The following VPS36 variants were observed in gnomAD, a reference collection of about 807,000 sequenced individuals.
The protein encoded by VPS36 is vacuolar protein-sorting-associated protein 36.
Under a neutral mutation model 63.5 loss-of-function variants are expected in VPS36, and 31 were observed. The observed-to-expected ratio is 0.49, with a 90% confidence interval of 0.37 to 0.66. The LOEUF (loss-of-function observed/expected upper bound fraction) is 0.66. Among genes scored for constraint, VPS36 ranks in the 30% least tolerant of loss-of-function variants. The pLI, the probability that VPS36 is intolerant of heterozygous loss-of-function variation, is 0.00. For synonymous variants in VPS36, 138 were observed against 157.2 expected, an observed-to-expected ratio of 0.88 and a Z score of 0.91; for missense variants, 338 against 463.7, an observed-to-expected ratio of 0.73 and a Z score of 2.49.
At position 52,450,616 on chromosome 13, in the gene VPS36, G is replaced by A; in HGVS notation, c.-22C>T. Reference sequence around the variant, plus strand: ...CCATGGCCGCTGCCACCCAGCCCCGGCCCTCCGAGGCCGCGAGCAGCGCGC... The same window carrying A: ...CCATGGCCGCTGCCACCCAGCCCCGACCCTCCGAGGCCGCGAGCAGCGCGC... On this transcript the variant is annotated 5_prime_UTR_variant, in exon 1 of 14. Transcript: ENST00000378060. 6.5e-7 allele frequency: 1 copy of A among 1,549,516 alleles called. No homozygotes were observed. The highest frequency in any genetic ancestry group is 1.2e-5 in the South Asian group (1 of 84,878).
chr13:52,444,475 T>C (rs573744500), intron 1 of VPS36, among the ~76,000 whole-genome samples: 257 of 147,812 alleles, frequency 1.7e-3, no homozygotes, highest in African/African-American at 5.9e-3. Flanking sequence ...TACATATATA[T>C]ACATTTTTAT....
At chr13:52,448,160 G>A (rs1958363631) in intron 1 of VPS36, among the ~76,000 whole-genome samples, 1 of 152,222 alleles carries the variant, frequency 6.6e-6, no homozygotes, top group Admixed American at 6.5e-5. Flanking sequence ...AGACAGCCAT[G>A]CACATGCTTG....
In VPS36 at chr13:52,450,430, T is replaced by C. The variant is rs1014495017; in HGVS notation, c.96+69A>G. 3.4e-6 allele frequency: 5 copies of C among 1,478,856 alleles called. No individual in the cohort carries two copies. The African/African-American group carries it at 4.4e-5, about 13-fold the overall frequency. 91.6% of individuals were successfully genotyped at this position (1,478,856 alleles called of 1,614,324 possible). ...CGGGCCGCGCCGACCCGGGCCGCGC[T>C]GAGCCGGGCCGCGCGCCCACCGGGG... On this transcript the variant is annotated intron_variant, in intron 1 of 13. Transcript: ENST00000378060.
At chr13:52,417,870 T>C in intron 11 of VPS36, 122 bp downstream of exon 11, 1 of 744,778 alleles carries the variant, frequency 1.3e-6, no homozygotes, top group Non-Finnish European at 2.2e-6. Flanking sequence ...CATGAAATAA[T>C]ATAATTTCAA....
chr13:52,433,798 CA>C, intron 5 of VPS36, 50 bp from the exon 6 acceptor site: 1 of 1,530,070 alleles, frequency 6.5e-7, no homozygotes, highest in South Asian at 1.2e-5. Context: ...AGGAAGGAAA[CA>C]AAATCTTTTG....
intron 2 of VPS36, among the ~76,000 whole-genome samples, chr13:52,439,508 T>C (rs949269739): frequency 2.0e-5 from 3 of 151,908 alleles, no homozygotes; most frequent in East Asian, 1.9e-4. Flanking sequence ...TGCAGTGGCG[T>C]GATCTCGGAT....
chr13:52,416,372 G>T (rs1441592631), intron 12 of VPS36: 3 of 316,704 alleles, frequency 9.5e-6, no homozygotes, highest in Non-Finnish European at 1.1e-5. Context: ...AGCCTAAAAA[G>T]AACTATTTGA....
At chr13:52,416,997 G>C (rs1255985502) in intron 12 of VPS36, 60 bp downstream of exon 12, 4 of 1,408,508 alleles carry the variant, frequency 2.8e-6, no homozygotes, top group Non-Finnish European at 2.9e-6. Flanking sequence ...TTTTTGAGTT[G>C]CTAAGCCTTC....
At chr13:52,441,851 C>A (rs1031501085) in intron 2 of VPS36, among the ~76,000 whole-genome samples, 1 of 152,186 alleles carries the variant, frequency 6.6e-6, no homozygotes, top group African/African-American at 2.4e-5. Context: ...GCAGGCCTAG[C>A]CTCCTGATTC....
intron 1 of VPS36, among the ~76,000 whole-genome samples, chr13:52,448,233 G>A (rs890888654): frequency 3.9e-5 from 6 of 152,178 alleles, no homozygotes; most frequent in African/African-American, 1.2e-4. Flanking sequence ...CAGTCCCTAG[G>A]CCAAAGGAGC....
chr13:52,427,133 T>A, intron 7 of VPS36, 54 bp downstream of exon 7: 2 of 1,606,290 alleles, frequency 1.2e-6, no homozygotes, highest in Non-Finnish European at 1.7e-6. Flanking sequence ...CAAAATATAT[T>A]TCAAAAACTG....
chr13:52,448,392 C>G (rs566554131), intron 1 of VPS36, among the ~76,000 whole-genome samples: 107 of 152,326 alleles, frequency 7.0e-4, no homozygotes, highest in Middle Eastern at 3.4e-3. Flanking sequence ...CAGGAGTCAG[C>G]CTGTGCCCCA....
At chr13:52,437,076 T>A (rs1958226723) in intron 3 of VPS36, among the ~76,000 whole-genome samples, 1 of 151,738 alleles carries the variant, frequency 6.6e-6, no homozygotes, top group African/African-American at 2.4e-5. Context: ...TTCTACCTAG[T>A]CAATAAGCAA....
intron 1 of VPS36, among the ~76,000 whole-genome samples, chr13:52,446,174 G>C (rs371558365): frequency 6.6e-6 from 1 of 151,500 alleles, no homozygotes; most frequent in Admixed American, 6.6e-5. Flanking sequence ...GCTGAGGTAG[G>C]AGAAACGCTT....
In VPS36 at chr13:52,414,921, G is replaced by A. The variant is rs1256679976; in HGVS notation, c.*909C>T. 6.6e-6 allele frequency: 1 copy of A among 152,094 alleles called. No homozygotes were observed. Among genetic ancestry groups the A allele is most frequent in the African/African-American group, 2.4e-5 (1 of 41,406 alleles). The allele number at this position is 152,094 out of a possible 1,614,324, so 9.4% of individuals were successfully genotyped here. On this transcript the variant is annotated 3_prime_UTR_variant, in exon 14 of 14. Transcript: ENST00000378060. ...TTTTCCACACAACTTACAACATAAA[G>A]GACAAAGAAAAAATATTGCTGGAAT...
At chr13:52,421,813 C>T (rs972871522) in intron 10 of VPS36, among the ~76,000 whole-genome samples, 4 of 152,004 alleles carry the variant, frequency 2.6e-5, no homozygotes, top group Admixed American at 6.6e-5. Flanking sequence ...TGTGAGCTAC[C>T]GTGCCCAGCC....
At chr13:52,430,956 AT>A (rs1958149518) in intron 6 of VPS36, among the ~76,000 whole-genome samples, 1 of 152,114 alleles carries the variant, frequency 6.6e-6, no homozygotes, top group Non-Finnish European at 1.5e-5. Flanking sequence ...TGAGCTGAGG[AT>A]TTTAAATCCA....
At chr13:52,425,252 CAAAAAAA>C (rs748988364) in intron 9 of VPS36, among the ~76,000 whole-genome samples, 2 of 67,352 alleles carry the variant, frequency 3.0e-5, no homozygotes, top group South Asian at 5.4e-4. Flanking sequence ...GACTCCGCCT[CAAAAAAA>C]AAAAAAAAAA....
chr13:52,449,767 T>C (rs1958380883), intron 1 of VPS36, among the ~76,000 whole-genome samples: 1 of 152,244 alleles, frequency 6.6e-6, no homozygotes, highest in African/African-American at 2.4e-5. Flanking sequence ...CTCCTCTCGA[T>C]TTGCAAACGC....
Sources: gnomAD v4.1 joint callset for allele counts (sites outside exome capture counted in the v4.1 genomes callset) on GRCh38, gnomAD v4.1.1 for gene constraint, MANE v1.5 for transcripts, NCBI Gene and HGNC (gene_info 2026-07-23, HGNC 2026-07-21) for gene names.